PRKG1: variants seen among roughly 807,000 people sequenced by gnomAD.
PRKG1 encodes protein kinase cGMP-dependent 1.
PRKG1 carries 35 observed loss-of-function variants against 88.1 expected under a neutral mutation model. That is an observed-to-expected ratio of 0.40 (90% confidence interval 0.30 to 0.53). The LOEUF (loss-of-function observed/expected upper bound fraction) is 0.53, where lower values mean the gene tolerates loss of function less well. Ranked by LOEUF, PRKG1 falls within the 20% of genes least tolerant of loss-of-function variation. The pLI, the probability that PRKG1 is intolerant of heterozygous loss-of-function variation, is 0.59. For missense variants in PRKG1, 540 were observed against 839.8 expected (o/e 0.64, Z 4.41); for synonymous variants, 303 against 292.5 (o/e 1.04, Z -0.37).
chr10:51,845,768 G>T (rs890608848), intron 4 of PRKG1, among the ~76,000 whole-genome samples: 1 of 151,726 alleles, frequency 6.6e-6, no homozygotes, highest in African/African-American at 2.4e-5. Context: ...GCTTTTTTTG[G>T]CAAAGGGTTG....
intron 1 of PRKG1, among the ~76,000 whole-genome samples, chr10:50,995,586 G>T (rs932994676): frequency 2.0e-5 from 3 of 152,132 alleles, no homozygotes; most frequent in Non-Finnish European, 4.4e-5. Flanking sequence ...GTTTTACATA[G>T]ATCTCTGTGA....
intron 4 of PRKG1, among the ~76,000 whole-genome samples, chr10:51,893,734 TAAC>T (rs1841776917): frequency 6.6e-6 from 1 of 152,204 alleles, no homozygotes; most frequent in Non-Finnish European, 1.5e-5. Flanking sequence ...TTATTAATAA[TAAC>T]AACAACACCA....
In PRKG1 at chr10:51,610,863, G is replaced by A. The variant is rs188294860; in HGVS notation, c.592+143027G>A. Among the ~76,000 whole-genome samples, 429 of 152,216 alleles carry A rather than the reference G, an allele frequency of 2.8e-3. 1 individual carries two copies. Among genetic ancestry groups the A allele is most frequent in the African/African-American group, 9.9e-3 (412 of 41,544 alleles). On this transcript the variant is annotated intron_variant, in intron 3 of 17. Coordinates refer to ENST00000373980, the MANE Select transcript of PRKG1 (RefSeq NM_006258.4). ...CCATGAGAACACATGAACACGGGGAGGGGAACAACACACACTGGGGCCTAT... is the reference window on the plus strand; with the variant it reads ...CCATGAGAACACATGAACACGGGGAAGGGAACAACACACACTGGGGCCTAT...
chr10:51,668,106 T>C (rs1267184787), intron 3 of PRKG1, among the ~76,000 whole-genome samples: 2 of 152,194 alleles, frequency 1.3e-5, no homozygotes, highest in African/African-American at 4.8e-5. Flanking sequence ...GAGAAGAACA[T>C]TGTGCCTACA....
In PRKG1 at chr10:51,530,815, C is replaced by T. The variant is rs368279910; in HGVS notation, c.592+62979C>T. ...AAATTTCCTTTTGTCTGATGGGAAA[C>T]CCTTTTTCCCATGTGTTTTTGTTGA... On this transcript the variant is annotated intron_variant, in intron 3 of 17. Transcript: ENST00000373980. Among the ~76,000 whole-genome samples the T allele has an allele frequency of 3.8e-3, 578 of 152,274 alleles. 5 individuals carry two copies. The highest frequency in any genetic ancestry group is 0.013 in the African/African-American group (525 of 41,546).
intron 5 of PRKG1, among the ~76,000 whole-genome samples, chr10:51,967,773 G>T (rs1310124086): frequency 6.6e-6 from 1 of 152,050 alleles, no homozygotes; most frequent in Non-Finnish European, 1.5e-5. Flanking sequence ...GTTTTTACAT[G>T]GCTTTTGTGA....
At chr10:51,712,677 C>G (rs1392780189) in intron 3 of PRKG1, among the ~76,000 whole-genome samples, 1 of 144,856 alleles carries the variant, frequency 6.9e-6, no homozygotes, top group Non-Finnish European at 1.5e-5. Context: ...GCAATCTCTG[C>G]CTCCCAGGTT....
At chr10:51,243,954 G>A (rs1839220478) in intron 2 of PRKG1, among the ~76,000 whole-genome samples, 1 of 152,282 alleles carries the variant, frequency 6.6e-6, no homozygotes, top group East Asian at 1.9e-4. Flanking sequence ...GATGCTCAGA[G>A]TGTGCAGTAA....
chr10:51,503,706 C>A (rs1018214103), intron 3 of PRKG1, among the ~76,000 whole-genome samples: 1 of 143,112 alleles, frequency 7.0e-6, no homozygotes, highest in Admixed American at 6.9e-5. Context: ...TTCTCTTTTG[C>A]ATCTGGGTAA....
chr10:51,821,047 T>C (rs1203412839), intron 4 of PRKG1, among the ~76,000 whole-genome samples: 1 of 152,176 alleles, frequency 6.6e-6, no homozygotes, highest in East Asian at 1.9e-4. Flanking sequence ...TATTCTGAGT[T>C]CTACCATTAC....
intron 9 of PRKG1, among the ~76,000 whole-genome samples, chr10:52,214,527 G>C (rs1327555813): frequency 6.6e-6 from 1 of 152,168 alleles, no homozygotes; most frequent in Admixed American, 6.5e-5. Context: ...GAGTATGTAT[G>C]TATAGCACTT....
At chr10:51,069,149 A>G (rs970396775) in intron 1 of PRKG1, among the ~76,000 whole-genome samples, 9 of 151,974 alleles carry the variant, frequency 5.9e-5, no homozygotes, top group African/African-American at 2.2e-4. Flanking sequence ...GCATGACACT[A>G]ATTCAGTATT....
At position 51,477,721 on chromosome 10, in the gene PRKG1, G is replaced by A. The variant is rs1473117818; in HGVS notation, c.592+9885G>A. Among the ~76,000 whole-genome samples, 3 of 152,036 alleles carry A rather than the reference G, an allele frequency of 2.0e-5. No homozygotes were observed. The East Asian group carries it at 5.8e-4, about 29-fold the overall frequency. On this transcript the variant is annotated intron_variant, in intron 3 of 17. Coordinates refer to ENST00000373980, the MANE Select transcript of PRKG1 (RefSeq NM_006258.4). ...TATGAAAGCAAGAAATAATCTGGAA[G>A]GGAGTTCGAACTTTCGTCATTTGCC...
intron 1 of PRKG1, among the ~76,000 whole-genome samples, chr10:50,996,575 TG>T: frequency 6.6e-6 from 1 of 152,334 alleles, no homozygotes; most frequent in East Asian, 1.9e-4. Context: ...GCCCTGCTCT[TG>T]GGGTTGCCAT....
At chr10:51,061,451 T>A (rs979909037) in intron 1 of PRKG1, among the ~76,000 whole-genome samples, 2 of 152,088 alleles carry the variant, frequency 1.3e-5, no homozygotes, top group Admixed American at 1.3e-4. Context: ...CATATCAGCG[T>A]CTTTTATATT....
At chr10:51,444,396 A>C (rs1420328460) in intron 2 of PRKG1, among the ~76,000 whole-genome samples, 2 of 151,796 alleles carry the variant, frequency 1.3e-5, no homozygotes, top group Admixed American at 6.6e-5. Context: ...AAAAACTGAA[A>C]TATGTGTTGC....
At chr10:51,157,930 G>A (rs1589204247) in intron 2 of PRKG1, among the ~76,000 whole-genome samples, 1 of 151,774 alleles carries the variant, frequency 6.6e-6, no homozygotes, top group Non-Finnish European at 1.5e-5. Flanking sequence ...ACATGGTGGT[G>A]TTTTGATACA....
At chr10:51,800,052 A>G (rs1263763006) in intron 3 of PRKG1, among the ~76,000 whole-genome samples, 1 of 152,116 alleles carries the variant, frequency 6.6e-6, no homozygotes, top group African/African-American at 2.4e-5. Context: ...AATGTAAATT[A>G]TATTAAGATA....
intron 5 of PRKG1, among the ~76,000 whole-genome samples, chr10:51,911,543 C>A (rs1387637881): frequency 6.6e-6 from 1 of 152,080 alleles, no homozygotes; most frequent in Admixed American, 6.5e-5. Context: ...ACAGTCCATA[C>A]CAATGCTGAA....
Sources: allele counts gnomAD v4.1 joint callset (sites outside exome capture counted in the v4.1 genomes callset), GRCh38; gene constraint gnomAD v4.1.1; transcripts MANE v1.5; gene names NCBI Gene and HGNC (gene_info 2026-07-23, HGNC 2026-07-21).